NELFE: variants seen among roughly 807,000 people sequenced by gnomAD.
The protein encoded by NELFE is negative elongation factor E.
NELFE carries 26 observed loss-of-function variants against 55.5 expected under a neutral mutation model. That is an observed-to-expected ratio of 0.47 (90% confidence interval 0.34 to 0.65). The LOEUF is 0.65. NELFE is among the 30% of genes least tolerant of loss of function. The pLI is 0.01. For missense variants in NELFE, 403 were observed against 506.9 expected (o/e 0.80, Z 1.97); for synonymous variants, 162 against 178.0 (o/e 0.91, Z 0.72).
At chr6:31,955,123 G>C (rs1400672537) in intron 5 of NELFE, 27 bp from the exon 6 acceptor site, 16 of 1,613,012 alleles carry the variant, frequency 9.9e-6, no homozygotes, top group Non-Finnish European at 1.3e-5. Context: ...GAACAGTTAA[G>C]ATGATTTCCA....
Position 31,955,706 on chromosome 6 carries a change from C to T in NELFE, c.292-413G>A, listed in dbSNP as rs150162001. On this transcript the variant is annotated intron_variant, in intron 4 of 10. Coordinates refer to ENST00000375429, the MANE Select transcript of NELFE (RefSeq NM_002904.6). ...CTCCTGGGCTCAAGCAATCCTCCTA[C>T]CTCGGCCTCCTAAAGTGCTGAAATT... Among the ~76,000 whole-genome samples the T allele has an allele frequency of 1.1e-3, 169 of 151,790 alleles. 2 individuals are homozygous for T. The highest frequency in any genetic ancestry group is 7.8e-3 in the Admixed American group (119 of 15,254).
At position 31,954,375 on chromosome 6, in the gene NELFE, G is replaced by A; in HGVS notation, c.810C>T (p.Asp270=). ...KGNTLYVYGE[D]MTPTLLRGAF... is the part of the protein sequence containing the mutation. ...CCCCACGGAGAAGGGTGGGTGTCAT[G>A]TCTTCTCCATATACATAGAGAGTAT... Residue 270 remains aspartate (D), a synonymous_variant, in exon 8 of 11, where the codon GAC becomes GAT. Transcript: ENST00000375429. The surrounding 1 kb of genome is among the most constrained non-coding windows in gnomAD (Gnocchi z 5.5). 2 of 1,613,676 alleles carry A rather than the reference G, an allele frequency of 1.2e-6. No individual in the cohort carries two copies. Among genetic ancestry groups the A allele is most frequent in the Non-Finnish European group, 1.7e-6 (2 of 1,179,762 alleles).
chr6:31,957,343 T>C (rs1582156918), intron 2 of NELFE: 4 of 556,606 alleles, frequency 7.2e-6, no homozygotes, highest in East Asian at 8.5e-5. Context: ...CATCCATCTA[T>C]TTCCTGCATA....
chr6:31,952,293 T>C lies in NELFE; in HGVS notation c.*8A>G. 1 of 1,609,628 alleles carries C rather than the reference T, an allele frequency of 6.2e-7. No individual in the cohort carries two copies. Among genetic ancestry groups the C allele is most frequent in the East Asian group, 2.2e-5 (1 of 44,852 alleles). On this transcript the variant is annotated 3_prime_UTR_variant, in exon 11 of 11. Transcript: ENST00000375429. The stretch of plus-strand genomic sequence containing the variant: ...GCATATGAGGCACAAGGAATCCAGC[T>C]CTGTTCCCTAGAAGCCATCCACAAG...
At chr6:31,953,696 G>C in intron 10 of NELFE, 33 bp downstream of exon 10, 2 of 1,547,576 alleles carry the variant, frequency 1.3e-6, no homozygotes, top group Non-Finnish European at 1.8e-6. Context: ...GCCTGTGGGG[G>C]AGAGGATGGG....
At chr6:31,958,486 C>T in intron 1 of NELFE, 32 bp from the exon 2 acceptor site, 1 of 1,582,710 alleles carries the variant, frequency 6.3e-7, no homozygotes, top group Non-Finnish European at 8.7e-7. Flanking sequence ...AGACATCTTT[C>T]TCCACTGTTA....
Position 31,958,897 on chromosome 6 carries a change from G to A in NELFE, c.-14C>T, listed in dbSNP as rs1022511488. The A allele has an allele frequency of 1.7e-6, 1 of 593,328 alleles. No individual in the cohort carries two copies. The highest frequency in any genetic ancestry group is 1.9e-5 in the African/African-American group (1 of 53,600). The allele number at this position is 593,328 out of a possible 1,614,324, so 36.8% of individuals were successfully genotyped here. ...TGAGAAGCAGAGGGCCTTACCCGAG[G>A]GGGCGGCAACCGGGGGCCCCACGGT... On this transcript the variant is annotated 5_prime_UTR_variant, in exon 1 of 11. Transcript: ENST00000375429.
chr6:31,955,550 G>A (rs1275735929), intron 4 of NELFE, among the ~76,000 whole-genome samples: 1 of 150,096 alleles, frequency 6.7e-6, no homozygotes. Flanking sequence ...CCATGCTCAA[G>A]CAATCCTCCT....
Position 31,954,223 on chromosome 6 carries a change from G to T in NELFE, c.887+75C>A. 6.2e-7 allele frequency: 1 copy of T among 1,608,420 alleles called. No individual in the cohort carries two copies. The highest frequency in any genetic ancestry group is 8.5e-7 in the Non-Finnish European group (1 of 1,175,462). The stretch of plus-strand genomic sequence containing the variant: ...AGTGATAATAGGCGGCTGCAGGGAG[G>T]GCAGCTTCTTCCCTCAGGTCTCACA... On this transcript the variant is annotated intron_variant, in intron 8 of 10. Coordinates refer to ENST00000375429, the MANE Select transcript of NELFE (RefSeq NM_002904.6). This position sits in a 1 kb window ranked among gnomAD's most constrained non-coding sequence, Gnocchi z 5.5.
In NELFE at chr6:31,955,448, AT is replaced by A. The variant is rs72274522; in HGVS notation, c.292-156del. ...TTTCTTATTTGACGTGGTTTTACTT[AT>A]TTTTTTTTTTTTTTTTTGAGACACG... On this transcript the variant is annotated intron_variant, in intron 4 of 10. Coordinates refer to ENST00000375429, the MANE Select transcript of NELFE (RefSeq NM_002904.6). 4.6e-3 allele frequency among the ~76,000 whole-genome samples: 565 copies of A among 122,694 alleles called. 2 individuals carry two copies. The highest frequency in any genetic ancestry group is 0.011 in the Admixed American group (138 of 12,250). The allele number at this position is 122,694 out of a possible 152,430, so 80.5% of individuals were successfully genotyped here.
intron 2 of NELFE, chr6:31,957,284 GATA>G: frequency 1.6e-6 from 1 of 622,872 alleles, no homozygotes; most frequent in South Asian, 1.7e-5. Context: ...AGAATCCTAG[GATA>G]TAAGCTGCAA....
intron 2 of NELFE, 30 bp downstream of exon 2, chr6:31,958,342 G>C: frequency 6.2e-7 from 1 of 1,600,888 alleles, no homozygotes; most frequent in Non-Finnish European, 8.6e-7. Flanking sequence ...TCTGTGAAAG[G>C]TTAGGCCATG....
At chr6:31,957,294 G>A (rs1046387768) in intron 2 of NELFE, 4 of 619,786 alleles carry the variant, frequency 6.5e-6, no homozygotes, top group Non-Finnish European at 1.2e-5. Flanking sequence ...GATATAAGCT[G>A]CAAGTAAGTA....
Position 31,958,522 on chromosome 6 carries a change from C to T in NELFE, c.-8-68G>A, listed in dbSNP as rs916350385. On this transcript the variant is annotated intron_variant, in intron 1 of 10. Coordinates refer to ENST00000375429, the MANE Select transcript of NELFE (RefSeq NM_002904.6). Reference sequence around the variant, plus strand: ...CCACCCGGGGTTCACACGCCGTCCACACTGTACCCAACCCCACCCCTTCAG... The same window carrying T: ...CCACCCGGGGTTCACACGCCGTCCATACTGTACCCAACCCCACCCCTTCAG... 52 of 1,302,254 alleles carry T rather than the reference C, an allele frequency of 4.0e-5. 1 individual carries two copies. The East Asian group carries it at 1.2e-3, about 30-fold the overall frequency. The allele number at this position is 1,302,254 out of a possible 1,614,324, so 80.7% of individuals were successfully genotyped here.
At position 31,954,393 on chromosome 6, in the gene NELFE, G is replaced by C. The variant is rs1167501323; in HGVS notation, c.792C>G (p.Leu264=). The change falls in exon 8 of 11, where the codon CTC becomes CTG. Residue 264 remains leucine (L), a synonymous_variant. Transcript: ENST00000375429. This position sits in a 1 kb window ranked among gnomAD's most constrained non-coding sequence, Gnocchi z 5.5. ...ERRAPRKGNT[L]YVYGEDMTPT... is the part of the protein sequence containing the mutation. ...GTGTCATGTCTTCTCCATATACATA[G>C]AGAGTATTCCCTTTCCTAGGGGCTC... 4.3e-6 allele frequency: 7 copies of C among 1,612,546 alleles called. No individual in the cohort carries two copies. Among genetic ancestry groups the C allele is most frequent in the Non-Finnish European group, 5.9e-6 (7 of 1,179,480 alleles).
Position 31,954,245 on chromosome 6 carries a change from C to T in NELFE, c.887+53G>A. ...GAGGGCAGCTTCTTCCCTCAGGTCTCACACCCCAGGATTCTCCCAGGACTT... is the reference window on the plus strand; with the variant it reads ...GAGGGCAGCTTCTTCCCTCAGGTCTTACACCCCAGGATTCTCCCAGGACTT... On this transcript the variant is annotated intron_variant, in intron 8 of 10. Transcript: ENST00000375429. The surrounding 1 kb of genome is among the most constrained non-coding windows in gnomAD (Gnocchi z 5.5). 6.2e-7 allele frequency: 1 copy of T among 1,610,808 alleles called. No individual in the cohort carries two copies. The highest frequency in any genetic ancestry group is 8.5e-7 in the Non-Finnish European group (1 of 1,177,898).
intron 10 of NELFE, among the ~76,000 whole-genome samples, chr6:31,952,788 T>TCTG (rs1771848431): frequency 6.6e-6 from 1 of 152,254 alleles, no homozygotes; most frequent in Admixed American, 6.5e-5. Flanking sequence ...AGCCCTTCTT[T>TCTG]CTGCTCACTC....
intron 10 of NELFE, among the ~76,000 whole-genome samples, chr6:31,952,690 G>A (rs1306868231): frequency 6.6e-6 from 1 of 152,232 alleles, no homozygotes; most frequent in Non-Finnish European, 1.5e-5. Context: ...TATGTCAGAA[G>A]CTAAAAACTA....
chr6:31,958,700 C>T (rs1438697783), intron 1 of NELFE, 192 bp downstream of exon 1: 1 of 703,082 alleles, frequency 1.4e-6, no homozygotes, highest in Admixed American at 2.0e-5. Context: ...CAAGGAGGGA[C>T]AAATATCCAC....
Sources: gnomAD v4.1 joint callset for allele counts (sites outside exome capture counted in the v4.1 genomes callset) on GRCh38, gnomAD v4.1.1 for gene constraint, Gnocchi (gnomAD v3.1) non-coding constraint, MANE v1.5 for transcripts, NCBI Gene and HGNC (gene_info 2026-07-23, HGNC 2026-07-21) for gene names.